The following STK3 variants were observed in gnomAD, a reference collection of about 807,000 sequenced individuals.
The protein encoded by STK3 is serine/threonine-protein kinase 3.
STK3 carries 41 observed loss-of-function variants against 58.0 expected under a neutral mutation model. The ratio of observed to expected loss-of-function variants is 0.71; its 90% CI spans 0.55 to 0.92. The LOEUF (loss-of-function observed/expected upper bound fraction) is 0.92. STK3 is among the 40% of genes least tolerant of loss of function. The pLI is 0.00. For missense variants in STK3, 479 were observed against 602.7 expected (o/e 0.79, Z 2.15); for synonymous variants, 170 against 191.0 (o/e 0.89, Z 0.91).
intron 3 of STK3, chr8:98,393,605 C>G (rs1817868810): frequency 6.6e-6 from 1 of 152,144 alleles, no homozygotes; most frequent in Admixed American, 6.5e-5. Flanking sequence ...CTGCCCCAAC[C>G]ACCTGAACAA....
chr8:98,597,446 A>C (rs1361008445), intron 6 of STK3: 2 of 985,210 alleles, frequency 2.0e-6, no homozygotes, highest in African/African-American at 3.5e-5. Context: ...TAGTCTTTCA[A>C]AAGCAGTGTA....
intron 1 of STK3, among the ~76,000 whole-genome samples, chr8:98,941,896 C>G (rs772173991): frequency 6.6e-6 from 1 of 152,264 alleles, no homozygotes; most frequent in Non-Finnish European, 1.5e-5. Flanking sequence ...GCGGAAATTT[C>G]AGAGCCAGCC....
At chr8:98,439,685 A>G (rs576142493) in intron 1 of STK3, among the ~76,000 whole-genome samples, 8 of 152,318 alleles carry the variant, frequency 5.3e-5, no homozygotes, top group African/African-American at 1.9e-4. Context: ...ATTACTTTAT[A>G]CTAGTTAGAG....
intron 3 of STK3, among the ~76,000 whole-genome samples, chr8:98,838,759 C>G (rs1269935002): frequency 6.6e-6 from 1 of 152,096 alleles, no homozygotes; most frequent in Non-Finnish European, 1.5e-5. Flanking sequence ...CGGTCTTTTT[C>G]CCTAAAGTTT....
the STK3 span, among the ~76,000 whole-genome samples, chr8:98,352,703 G>C: frequency 1.3e-5 from 2 of 152,038 alleles, no homozygotes; most frequent in Non-Finnish European, 2.9e-5. Context: ...CCAGCAGAAT[G>C]TTTTCTCATC....
chr8:98,615,359 G>GA (rs1817612551), intron 6 of STK3, among the ~76,000 whole-genome samples: 1 of 148,812 alleles, frequency 6.7e-6, no homozygotes, highest in Non-Finnish European at 1.5e-5. Context: ...CAAAGATGGG[G>GA]AAAAAACAGA....
chr8:98,722,259 C>T (rs1330948912), intron 4 of STK3, among the ~76,000 whole-genome samples: 3 of 152,120 alleles, frequency 2.0e-5, no homozygotes, highest in African/African-American at 4.8e-5. Context: ...TGACAAAAAG[C>T]GATAGTCCAA....
At chr8:98,525,796 A>G (rs1368627068) in intron 10 of STK3, among the ~76,000 whole-genome samples, 1 of 152,018 alleles carries the variant, frequency 6.6e-6, no homozygotes, top group Non-Finnish European at 1.5e-5. Flanking sequence ...TATTGAGGAA[A>G]AAAGTACTTA....
the STK3 span, among the ~76,000 whole-genome samples, chr8:98,354,335 AATGAGACTTCTGAGAAGTC>A: frequency 8.5e-5 from 13 of 152,192 alleles, no homozygotes; most frequent in Admixed American, 5.9e-4. Flanking sequence ...AGCTCTGGCC[AATGAGACTTCTGAGAAGTC>A]TTAAAAGAAG....
chr8:98,405,424 G>C (rs1030716543), intron 3 of STK3, among the ~76,000 whole-genome samples: 14 of 152,174 alleles, frequency 9.2e-5, no homozygotes, highest in African/African-American at 3.4e-4. Flanking sequence ...AATGGTGGTG[G>C]TGGTAATATT....
At chr8:98,893,736 C>T (rs571145505) in intron 1 of STK3, among the ~76,000 whole-genome samples, 7 of 152,222 alleles carry the variant, frequency 4.6e-5, no homozygotes, top group African/African-American at 1.7e-4. Flanking sequence ...GTGAAGTACC[C>T]GCACTTGGCC....
chr8:98,688,764 G>T (rs755207174), intron 6 of STK3, among the ~76,000 whole-genome samples: 3 of 151,970 alleles, frequency 2.0e-5, no homozygotes, highest in Non-Finnish European at 4.4e-5. Flanking sequence ...TCTGGGATAC[G>T]GCAAAAGCAG....
Position 98,669,179 on chromosome 8 carries a change from T to C in STK3, c.684+37288A>G, listed in dbSNP as rs1424181050. On this transcript the variant is annotated intron_variant, in intron 6 of 10. Transcript: ENST00000419617. Reference sequence around the variant, plus strand: ...ACCTGGCTAATTTTTGTATTCTTACTAGAGATGTGGTTTCATCATATTGAT... The same window carrying C: ...ACCTGGCTAATTTTTGTATTCTTACCAGAGATGTGGTTTCATCATATTGAT... Among the ~76,000 whole-genome samples, 4 of 152,156 alleles carry C rather than the reference T, an allele frequency of 2.6e-5. No homozygotes were observed. The South Asian group carries it at 8.3e-4, about 32-fold the overall frequency.
intron 6 of STK3, among the ~76,000 whole-genome samples, chr8:98,600,059 T>G (rs1367991352): frequency 6.6e-6 from 1 of 152,162 alleles, no homozygotes; most frequent in Non-Finnish European, 1.5e-5. Flanking sequence ...GAATAGTAAA[T>G]CTAAAGTGAA....
At chr8:98,448,443 A>G (rs1043429148) in intron 1 of STK3, among the ~76,000 whole-genome samples, 1 of 152,316 alleles carries the variant, frequency 6.6e-6, no homozygotes, top group African/African-American at 2.4e-5. Context: ...TTTGCCAAGA[A>G]TATTTTCTTT....
chr8:98,733,180 T>C (rs1431869203), intron 4 of STK3, among the ~76,000 whole-genome samples: 3 of 152,164 alleles, frequency 2.0e-5, no homozygotes, highest in Non-Finnish European at 2.9e-5. Context: ...TGAGCACCCA[T>C]CCTAGGAGCT....
intron 4 of STK3, among the ~76,000 whole-genome samples, chr8:98,737,159 A>T (rs1300449761): frequency 6.6e-6 from 1 of 152,184 alleles, no homozygotes; most frequent in African/African-American, 2.4e-5. Flanking sequence ...TTAGATTTAT[A>T]AAGGTTAAAG....
At chr8:98,595,777 A>G (rs1301228618) in intron 7 of STK3, 5 of 337,996 alleles carry the variant, frequency 1.5e-5, no homozygotes, top group Non-Finnish European at 2.7e-5. Context: ...AAGAAAAAAA[A>G]AACATGAGAA....
upstream of STK3, among the ~76,000 whole-genome samples, chr8:98,827,725 C>T (rs565624235): frequency 1.3e-5 from 2 of 151,710 alleles, no homozygotes; most frequent in East Asian, 3.9e-4. Flanking sequence ...TGTGATCATG[C>T]CTCACTGCAG....
Sources: allele counts gnomAD v4.1 joint callset (sites outside exome capture counted in the v4.1 genomes callset), GRCh38; gene constraint gnomAD v4.1.1; transcripts MANE v1.5; gene names NCBI Gene and HGNC (gene_info 2026-07-23, HGNC 2026-07-21).